The following MYO1B variants were observed in gnomAD, a reference collection of about 807,000 sequenced individuals.
MYO1B encodes unconventional myosin-Ib.
Under a neutral mutation model 159.7 loss-of-function variants are expected in MYO1B, and 72 were observed. The ratio of observed to expected loss-of-function variants is 0.45; its 90% CI spans 0.37 to 0.55. MYO1B has a LOEUF of 0.55. MYO1B is among the 20% of genes least tolerant of loss of function. The probability of loss-of-function intolerance (pLI) is 0.00; values close to 1 mark genes in which losing one functional copy is unlikely to be tolerated. For synonymous variants in MYO1B, 468 were observed against 473.8 expected, an observed-to-expected ratio of 0.99 and a Z score of 0.16; for missense variants, 1,062 against 1,364.8, an observed-to-expected ratio of 0.78 and a Z score of 3.50.
At chr2:191,400,895 C>G in intron 23 of MYO1B, 60 bp downstream of exon 23, 1 of 1,505,460 alleles carries the variant, frequency 6.6e-7, no homozygotes. Context: ...CAGTCCTTAC[C>G]TCTAGCCTAT....
chr2:191,263,751 G>A (rs1686958858), intron 1 of MYO1B: 2 of 152,064 alleles, frequency 1.3e-5, no homozygotes, highest in African/African-American at 4.8e-5. Flanking sequence ...CTGTATTCAA[G>A]GAGAAAAAAC....
At chr2:191,329,798 T>C (rs1691344040) in intron 3 of MYO1B, 137 bp from the exon 4 acceptor site, 1 of 613,516 alleles carries the variant, frequency 1.6e-6, no homozygotes, top group African/African-American at 1.9e-5. Flanking sequence ...ATTTTAAGAA[T>C]TCAAAGGAAA....
rs1224864992 is a variant in MYO1B at position 191,408,165 on chromosome 2, C to A, written c.2607C>A (p.Ile869=). 1 of 1,613,032 alleles carries A rather than the reference C, an allele frequency of 6.2e-7. No individual in the cohort carries two copies. The highest frequency in any genetic ancestry group is 2.2e-5 in the East Asian group (1 of 44,814). ...KFFRANAGKK[I]YEFTLQRIVQ... is the part of the protein sequence containing the mutation. ...TCAGAGCCAATGCTGGAAAGAAAATCTATGAGTTTACGCTTCAGAGAATTG... is the reference window on the plus strand; with the variant it reads ...TCAGAGCCAATGCTGGAAAGAAAATATATGAGTTTACGCTTCAGAGAATTG... The change falls in exon 25 of 31, where the codon ATC becomes ATA. Residue 869 remains isoleucine (I), a synonymous_variant. Transcript: ENST00000392318.
intron 23 of MYO1B, among the ~76,000 whole-genome samples, chr2:191,401,122 T>G (rs1047419644): frequency 1.6e-4 from 24 of 150,114 alleles, no homozygotes; most frequent in Admixed American, 7.3e-4. Context: ...CATGTTTAGG[T>G]TCCCCCCCGC....
At position 191,311,115 on chromosome 2, in the gene MYO1B, C is replaced by T. The variant is rs546476299; in HGVS notation, c.251+14889C>T. 4.6e-5 allele frequency among the ~76,000 whole-genome samples: 7 copies of T among 152,282 alleles called. No homozygotes were observed. The South Asian group carries it at 1.5e-3, about 32-fold the overall frequency. ...GATGCATAGGTGATCAGCTTGAGAT[C>T]CAAAAAGAATATCCTTGTATCCTCA... On this transcript the variant is annotated intron_variant, in intron 3 of 30. Transcript: ENST00000392318.
chr2:191,401,025 G>A (rs1696581004), intron 23 of MYO1B, among the ~76,000 whole-genome samples, 190 bp downstream of exon 23: 1 of 152,108 alleles, frequency 6.6e-6, no homozygotes. Flanking sequence ...GCATGCATAG[G>A]TCAATAAAAC....
In MYO1B at chr2:191,276,899, G is replaced by T; in HGVS notation, c.4G>T (p.Ala2Ser). 6.2e-7 allele frequency: 1 copy of T among 1,605,548 alleles called. No individual in the cohort carries two copies. The highest frequency in any genetic ancestry group is 8.5e-7 in the Non-Finnish European group (1 of 1,177,176). Residue 2 changes from alanine to serine, a missense_variant, in exon 2 of 31, where the codon GCC (alanine) becomes TCC (serine). Physicochemically the swap from Ala to Ser is moderately conservative, Grantham distance 99 (BLOSUM62 1). Transcript: ENST00000392318. ...CTCTCTTCTGCAGCTGGAGACCATG[G>T]CCAAAATGGAGGTGAAAACCTCACT... M[A>S]KMEVKTSLLD...
intron 3 of MYO1B, among the ~76,000 whole-genome samples, chr2:191,306,135 G>T (rs1689638554): frequency 6.6e-6 from 1 of 152,200 alleles, no homozygotes; most frequent in Non-Finnish European, 1.5e-5. Flanking sequence ...ACGTGGGGAA[G>T]GGGCATCAGG....
chr2:191,259,495 T>C (rs191199133), intron 1 of MYO1B, among the ~76,000 whole-genome samples: 5 of 152,256 alleles, frequency 3.3e-5, no homozygotes, highest in African/African-American at 1.2e-4. Context: ...CTACATAGTA[T>C]TTGAAATAAA....
chr2:191,326,770 ATGTGTGTGTGTGTGTGTGTGTG>A (rs35184577), intron 3 of MYO1B, among the ~76,000 whole-genome samples: 23 of 137,060 alleles, frequency 1.7e-4, no homozygotes, highest in Non-Finnish European at 2.5e-4. Context: ...GTTTGTATAT[ATGTGTGTGTGTGTGTGTGTGTG>A]TGTGTGTGTG....
intron 4 of MYO1B, among the ~76,000 whole-genome samples, chr2:191,336,154 A>G (rs1169608910): frequency 6.6e-6 from 1 of 152,218 alleles, no homozygotes; most frequent in Non-Finnish European, 1.5e-5. Context: ...TCCCAACGTT[A>G]GGAAACATAA....
rs568450631 is a variant in MYO1B at position 191,402,705 on chromosome 2, G to T, written c.2543G>T (p.Trp848Leu). Reference protein sequence around the residue: ...KHAVAVIWAYWLGLKVRREYR... With the variant: ...KHAVAVIWAYLLGLKVRREYR... ...GCAGTTGCTGTCATTTGGGCTTACT[G>T]GCTTGGACTGAAGGTACTTCCTCAA... Residue 848 changes from tryptophan (W) to leucine (L), a missense_variant, in exon 24 of 31, where the codon TGG (tryptophan) becomes TTG (leucine). Trp to Leu is a moderately conservative substitution (Grantham distance 61). Transcript: ENST00000392318. 1 of 1,613,038 alleles carries T rather than the reference G, an allele frequency of 6.2e-7. No individual in the cohort carries two copies. The highest frequency in any genetic ancestry group is 2.2e-5 in the East Asian group (1 of 44,866).
At chr2:191,321,000 C>A (rs1690674831) in intron 3 of MYO1B, among the ~76,000 whole-genome samples, 1 of 152,088 alleles carries the variant, frequency 6.6e-6, no homozygotes, top group Admixed American at 6.5e-5. Context: ...GCAGATGGGG[C>A]ACTGGGGGCT....
rs1334982239 is a variant in MYO1B at position 191,256,253 on chromosome 2, G to A, written c.-10+10627G>A. ...TTTTGAAACTTGACTCTTCTCCTTA[G>A]TAGCCCCCGGACCCTGGGCTTGTAG... On this transcript the variant is annotated intron_variant, in intron 1 of 30. Transcript: ENST00000392318. 3.9e-5 allele frequency among the ~76,000 whole-genome samples: 6 copies of A among 152,290 alleles called. No individual in the cohort carries two copies. In the South Asian group the frequency reaches 8.3e-4, roughly 21 times the overall value.
chr2:191,280,727 A>G lies in MYO1B; in HGVS notation c.135+3697A>G, dbSNP rs544360352. On this transcript the variant is annotated intron_variant, in intron 2 of 30. Coordinates refer to ENST00000392318, the MANE Select transcript of MYO1B (RefSeq NM_001130158.3). Reference sequence around the variant, plus strand: ...TATGTGAGGGGGTGGGTTCCCAACCAAATATATCTATTCACACACTAAGAA... The same window carrying G: ...TATGTGAGGGGGTGGGTTCCCAACCGAATATATCTATTCACACACTAAGAA... Among the ~76,000 whole-genome samples, 5 of 152,346 alleles carry G rather than the reference A, an allele frequency of 3.3e-5. No individual in the cohort carries two copies. In the South Asian group the frequency reaches 1.0e-3, roughly 32 times the overall value.
intron 4 of MYO1B, among the ~76,000 whole-genome samples, chr2:191,336,911 T>C (rs1184194630): frequency 1.4e-5 from 2 of 141,192 alleles, no homozygotes; most frequent in African/African-American, 5.1e-5. Flanking sequence ...TAAATAAATG[T>C]GTACGAATAA....
intron 13 of MYO1B, 186 bp from the exon 14 acceptor site, chr2:191,381,276 A>G: frequency 6.0e-6 from 4 of 669,148 alleles, no homozygotes; most frequent in Non-Finnish European, 1.1e-5. Flanking sequence ...TCATTCACTT[A>G]CTCATGACCC....
intron 3 of MYO1B, among the ~76,000 whole-genome samples, chr2:191,304,941 T>C (rs1280996582): frequency 6.6e-6 from 1 of 152,106 alleles, no homozygotes; most frequent in African/African-American, 2.4e-5. Context: ...AGTGATACAA[T>C]CTTAAAGGGA....
chr2:191,349,673 A>G (rs898063562), intron 6 of MYO1B, among the ~76,000 whole-genome samples: 1 of 152,364 alleles, frequency 6.6e-6, no homozygotes, highest in African/African-American at 2.4e-5. Flanking sequence ...TGACCTGTTC[A>G]TAACACATAA....
Sources: allele counts gnomAD v4.1 joint callset (sites outside exome capture counted in the v4.1 genomes callset), GRCh38; gene constraint gnomAD v4.1.1; transcripts MANE v1.5; gene names NCBI Gene and HGNC (gene_info 2026-07-23, HGNC 2026-07-21).